Variants in GUCY2D observed in about 807,000 individuals in gnomAD.
GUCY2D encodes retinal guanylyl cyclase 1.
A neutral mutation model predicts 101.3 loss-of-function variants in GUCY2D; 70 were observed. That is an observed-to-expected ratio of 0.69 (90% CI 0.57 to 0.84). The LOEUF is 0.84. Ranked by LOEUF, GUCY2D falls within the 40% of genes least tolerant of loss-of-function variation. GUCY2D has a pLI of 0.00. For missense variants in GUCY2D, 1,460 were observed against 1,542.5 expected (o/e 0.95, Z 0.90); for synonymous variants, 688 against 670.7 (o/e 1.03, Z -0.40).
chr17:8,013,493 G>C lies in GUCY2D; in HGVS notation c.2263+241G>C. 1.7e-6 allele frequency: 1 copy of C among 593,788 alleles called. No individual in the cohort carries two copies. The highest frequency in any genetic ancestry group is 3.0e-6 in the Non-Finnish European group (1 of 330,424). 36.8% of individuals were successfully genotyped at this position (593,788 alleles called of 1,614,324 possible). A position where few individuals can be genotyped will look rare whatever the true frequency, so the allele number is the denominator to read the frequency against. ...TCTTTCTTGATGCTGGAACCAAACTGTTTCCACAACTGACAGAACAGACTC... is the reference window on the plus strand; with the variant it reads ...TCTTTCTTGATGCTGGAACCAAACTCTTTCCACAACTGACAGAACAGACTC... On this transcript the variant is annotated intron_variant, in intron 11 of 19. Coordinates refer to ENST00000254854, the MANE Select transcript of GUCY2D (RefSeq NM_000180.4). This position sits in a 1 kb window ranked among gnomAD's most constrained non-coding sequence, Gnocchi z 5.0.
Position 8,015,064 on chromosome 17 carries a change from G to A in GUCY2D, c.2769+13G>A, listed in dbSNP as rs775394437. The A allele has an allele frequency of 6.2e-7, 1 of 1,609,154 alleles. No individual in the cohort carries two copies. Among genetic ancestry groups the A allele is most frequent in the South Asian group, 1.1e-5 (1 of 90,780 alleles). On this transcript the variant is annotated intron_variant, in intron 14 of 19. Coordinates refer to ENST00000254854, the MANE Select transcript of GUCY2D (RefSeq NM_000180.4). ...CGATGTCTACAAGGTGCAGTGTGTAGGGGACAAGCCCTCCTGACCTTCAAT... is the reference window on the plus strand; with the variant it reads ...CGATGTCTACAAGGTGCAGTGTGTAAGGGACAAGCCCTCCTGACCTTCAAT...
At chr17:8,010,891 C>G (rs1975839259) in intron 8 of GUCY2D, among the ~76,000 whole-genome samples, 1 of 151,826 alleles carries the variant, frequency 6.6e-6, no homozygotes, top group Admixed American at 6.6e-5. Flanking sequence ...GGGCACCAGT[C>G]AGCCAGCTAA....
rs867041083 is a variant in GUCY2D at position 8,007,104 on chromosome 17, G to A, written c.1423G>A (p.Gly475Arg). Residue 475 changes from glycine (G) to arginine (R), a missense_variant, in exon 5 of 20, where the codon GGG (glycine) becomes AGG (arginine). Coordinates refer to ENST00000254854, the MANE Select transcript of GUCY2D (RefSeq NM_000180.4). ...CTTTCTTGGCTTCCTCCTGGTGGTT[G>A]GGATGGGGCTGGCTGGGGCCTTCCT... ...LVFLGFLLVV[G>R]MGLAGAFLAH... 2.5e-6 allele frequency: 4 copies of A among 1,614,126 alleles called. No homozygotes were observed. Among genetic ancestry groups the A allele is most frequent in the Non-Finnish European group, 3.4e-6 (4 of 1,179,956 alleles).
At chr17:8,016,994 C>G (rs1598152356) in intron 19 of GUCY2D, among the ~76,000 whole-genome samples, 3 of 152,316 alleles carry the variant, frequency 2.0e-5, no homozygotes, top group South Asian at 4.1e-4. Flanking sequence ...CCCCTTTCCT[C>G]GACTCCCCTC....
rs1233647883 is a variant in GUCY2D, at chr17:8,012,227, G to C, written c.1833G>C (p.Trp611Cys). The C allele has an allele frequency of 2.5e-6, 4 of 1,613,732 alleles. No homozygotes were observed. The highest frequency in any genetic ancestry group is 3.4e-6 in the Non-Finnish European group (4 of 1,179,744). ...GAGCAGAAGGCCCTGCGGCCCTCTG[G>C]GAGGGCAACCTGGCTGTGGTCTCAG... ...ARGAEGPAAL[W>C]EGNLAVVSEH... Residue 611 changes from tryptophan to cysteine, a missense_variant, in exon 9 of 20, where the codon TGG becomes TGC. Coordinates refer to ENST00000254854, the MANE Select transcript of GUCY2D (RefSeq NM_000180.4).
At position 8,003,027 on chromosome 17, in the gene GUCY2D, C is replaced by T. The variant is rs2151799173; in HGVS notation, c.-9-12C>T. Reference sequence around the variant, plus strand: ...GTCTCAGTCGCTCAGCCTGCTCCGTCTGTGTTCGCAGAAGCCGGCAATGAC... The same window carrying T: ...GTCTCAGTCGCTCAGCCTGCTCCGTTTGTGTTCGCAGAAGCCGGCAATGAC... On this transcript the variant is annotated splice_polypyrimidine_tract_variant and intron_variant, in intron 1 of 19. Transcript: ENST00000254854. 6.6e-7 allele frequency: 1 copy of T among 1,524,292 alleles called. No homozygotes were observed. The highest frequency in any genetic ancestry group is 8.8e-7 in the Non-Finnish European group (1 of 1,141,896). The allele number at this position is 1,524,292 out of a possible 1,614,324, so 94.4% of individuals were successfully genotyped here.
rs567308384 is a variant in GUCY2D, at chr17:8,005,134, G to A, written c.1026+978G>A. Among the ~76,000 whole-genome samples the A allele has an allele frequency of 3.3e-5, 5 of 152,052 alleles. 1 individual carries two copies. Among genetic ancestry groups the A allele is most frequent in the South Asian group, 4.2e-4 (2 of 4,812 alleles). The stretch of plus-strand genomic sequence containing the variant: ...TCACCCTTGATTCCTTGAATTCTTC[G>A]CCCCCACTTCCAGGCATCAAGCCCT... On this transcript the variant is annotated intron_variant, in intron 3 of 19. Transcript: ENST00000254854.
In GUCY2D at chr17:8,007,442, A is replaced by G. The variant is rs749999803; in HGVS notation, c.1480A>G (p.Met494Val). ...AHYVRHRLLHMQMVSGPNKII... is the reference protein window; with the variant it reads ...AHYVRHRLLHVQMVSGPNKII... Reference sequence around the variant, plus strand: ...CTCCACCAGGCACCGGCTACTTCACATGCAAATGGTCTCCGGCCCCAACAA... The same window carrying G: ...CTCCACCAGGCACCGGCTACTTCACGTGCAAATGGTCTCCGGCCCCAACAA... Residue 494 changes from methionine to valine, a missense_variant, in exon 6 of 20, where the codon ATG (methionine) becomes GTG (valine). Met to Val is a conservative substitution (Grantham distance 21). Around this residue, in one of 3 missense-constraint regions of GUCY2D, gnomAD observed 1,196 missense variants for 1,229.6 expected, o/e 0.97. Transcript: ENST00000254854. The G allele has an allele frequency of 6.2e-6, 10 of 1,612,688 alleles. No homozygotes were observed. The highest frequency in any genetic ancestry group is 4.5e-5 in the East Asian group (2 of 44,876).
chr17:8,013,093 C>G lies in GUCY2D; in HGVS notation c.2114-10C>G. ...CCCCAGCGGCGCCTCAGCCCCTTCC[C>G]CATCCCCAGACCAGCTGTGGACAGC... On this transcript the variant is annotated splice_polypyrimidine_tract_variant and intron_variant, in intron 10 of 19. Transcript: ENST00000254854. This position sits in a 1 kb window ranked among gnomAD's most constrained non-coding sequence, Gnocchi z 5.0. 2 of 1,610,404 alleles carry G rather than the reference C, an allele frequency of 1.2e-6. No homozygotes were observed. The highest frequency in any genetic ancestry group is 1.7e-6 in the Non-Finnish European group (2 of 1,178,822).
chr17:8,003,861 T>C lies in GUCY2D; in HGVS notation c.731T>C (p.Met244Thr), dbSNP rs1323353453. Reference protein sequence around the residue: ...RDGPRVTAVIMVMHSVLLGGE... With the variant: ...RDGPRVTAVITVMHSVLLGGE... ...AAGCCTCTGTCCGCAGCAGTGATCA[T>C]GGTGATGCACTCGGTGCTGCTGGGT... The change falls in exon 3 of 20, where the codon ATG becomes ACG. Residue 244 changes from methionine (M) to threonine (T), a missense_variant. This residue lies in a region of GUCY2D where 1,196 missense variants were observed against 1,229.6 expected (regional missense o/e 0.97). Transcript: ENST00000254854. 1.9e-6 allele frequency: 3 copies of C among 1,611,982 alleles called. No individual in the cohort carries two copies. The highest frequency in any genetic ancestry group is 2.5e-6 in the Non-Finnish European group (3 of 1,179,642).
intron 7 of GUCY2D, among the ~76,000 whole-genome samples, chr17:8,008,658 T>C (rs1176777569): frequency 6.6e-6 from 1 of 152,130 alleles, no homozygotes; most frequent in East Asian, 1.9e-4. Flanking sequence ...CTAGAGATCA[T>C]CATGGCCAAT....
At position 8,002,866 on chromosome 17, in the gene GUCY2D, G is replaced by A. The variant is rs1349034863; in HGVS notation, c.-10+132G>A. The A allele has an allele frequency of 2.0e-5, 11 of 553,716 alleles. No individual in the cohort carries two copies. The highest frequency in any genetic ancestry group is 3.1e-5 in the Non-Finnish European group (10 of 321,920). The allele number at this position is 553,716 out of a possible 1,614,324, so 34.3% of individuals were successfully genotyped here. Reference sequence around the variant, plus strand: ...AGCGGGAAGCCGGGGCGGCAGAAGGGGGCTTCGGGGCGGTGTCCTTGGCCC... The same window carrying A: ...AGCGGGAAGCCGGGGCGGCAGAAGGAGGCTTCGGGGCGGTGTCCTTGGCCC... On this transcript the variant is annotated intron_variant, in intron 1 of 19. Coordinates refer to ENST00000254854, the MANE Select transcript of GUCY2D (RefSeq NM_000180.4). The surrounding 1 kb of genome is among the most constrained non-coding windows in gnomAD (Gnocchi z 4.9).
rs1156744504 is a variant in GUCY2D at position 8,004,125 on chromosome 17, G to T, written c.995G>T (p.Arg332Leu). The change falls in exon 3 of 20, where the codon CGC (arginine) becomes CTC (leucine). Residue 332 changes from arginine to leucine, a missense_variant. Physicochemically the swap from Arg to Leu is moderately radical, Grantham distance 102 (BLOSUM62 -2). Around this residue, in one of 3 missense-constraint regions of GUCY2D, gnomAD observed 1,196 missense variants for 1,229.6 expected, o/e 0.97. Coordinates refer to ENST00000254854, the MANE Select transcript of GUCY2D (RefSeq NM_000180.4). ...AGCCTGCGCAGGGCTCAAGAGCGCC[G>T]CGAGCTGCCCTCTGACCTCAATCTG... ...LDSLRRAQER[R>L]ELPSDLNLQQ... 1 of 1,597,336 alleles carries T rather than the reference G, an allele frequency of 6.3e-7. No homozygotes were observed. Among genetic ancestry groups the T allele is most frequent in the Non-Finnish European group, 8.5e-7 (1 of 1,177,530 alleles).
Position 8,014,760 on chromosome 17 carries a change from C to A in GUCY2D, c.2572C>A (p.Pro858Thr), listed in dbSNP as rs61750176. Residue 858 changes from proline (P) to threonine (T), a missense_variant, in exon 13 of 20, where the codon CCT (proline) becomes ACT (threonine). This residue lies in a region of GUCY2D where 1,196 missense variants were observed against 1,229.6 expected (regional missense o/e 0.97). Coordinates refer to ENST00000254854, the MANE Select transcript of GUCY2D (RefSeq NM_000180.4). This position sits in a 1 kb window ranked among gnomAD's most constrained non-coding sequence, Gnocchi z 4.0. ...AGACCGGCTGCTTACACAGATGCTG[C>A]CTCCGTGGGTGCCAGTGGGAAGGGG... Reference protein sequence around the residue: ...KTDRLLTQMLPPSVAEALKTG... With the variant: ...KTDRLLTQMLTPSVAEALKTG... The A allele has an allele frequency of 4.3e-6, 7 of 1,613,470 alleles. No individual in the cohort carries two copies. Among genetic ancestry groups the A allele is most frequent in the South Asian group, 2.2e-5 (2 of 91,054 alleles).
Sources: allele counts gnomAD v4.1 joint callset (sites outside exome capture counted in the v4.1 genomes callset), GRCh38; gene constraint gnomAD v4.1.1; regional missense constraint gnomAD v4.1.1; non-coding constraint Gnocchi (gnomAD v3.1); transcripts MANE v1.5; gene names NCBI Gene and HGNC (gene_info 2026-07-23, HGNC 2026-07-21).